Variants in FSD2 observed in about 807,000 individuals in gnomAD.
FSD2 encodes the protein fibronectin type III and SPRY domain containing 2.
A neutral mutation model predicts 80.4 loss-of-function variants in FSD2; 71 were observed. That is an observed-to-expected ratio of 0.88 (90% confidence interval 0.73 to 1.08). The LOEUF (loss-of-function observed/expected upper bound fraction) is 1.08. Among genes scored for constraint, FSD2 ranks in the 50% least tolerant of loss-of-function variants. FSD2 has a pLI of 0.00. For synonymous variants in FSD2, 361 were observed against 329.5 expected (o/e 1.10, Z -1.03); for missense variants, 923 against 913.8 (o/e 1.01, Z -0.13).
chr15:82,795,774 G>C (rs1260001847), intron 1 of FSD2, among the ~76,000 whole-genome samples: 3 of 151,836 alleles, frequency 2.0e-5, no homozygotes, highest in African/African-American at 4.8e-5. Context: ...GGAGGTTGTA[G>C]TGAGCTGAGA....
intron 3 of FSD2, among the ~76,000 whole-genome samples, chr15:82,784,697 G>T (rs1317057438): frequency 2.6e-5 from 4 of 152,134 alleles, no homozygotes; most frequent in Non-Finnish European, 5.9e-5. Context: ...GGCTGGAAAA[G>T]GTCTACCTTC....
At chr15:82,802,150 G>A (rs1186532323) in intron 1 of FSD2, among the ~76,000 whole-genome samples, 1 of 152,156 alleles carries the variant, frequency 6.6e-6, no homozygotes, top group African/African-American at 2.4e-5. Flanking sequence ...ACACAGGGCT[G>A]GAGAAGTGTG....
chr15:82,797,444 A>T (rs764390889), intron 1 of FSD2, among the ~76,000 whole-genome samples: 1 of 152,248 alleles, frequency 6.6e-6, no homozygotes, highest in Non-Finnish European at 1.5e-5. Flanking sequence ...TCATCAATGG[A>T]TACACAAATA....
At position 82,768,946 on chromosome 15, in the gene FSD2, T is replaced by C; in HGVS notation, c.1487A>G (p.Asn496Ser). The C allele has an allele frequency of 6.8e-6, 11 of 1,608,754 alleles. No individual in the cohort carries two copies. Among genetic ancestry groups the C allele is most frequent in the Non-Finnish European group, 7.6e-6 (9 of 1,177,666 alleles). Residue 496 changes from asparagine to serine, a missense_variant, in exon 9 of 13, where the codon AAT (asparagine) becomes AGT (serine). Coordinates refer to ENST00000334574, the MANE Select transcript of FSD2 (RefSeq NM_001007122.4). ...CTCCACAGTGTACGAGTCCACAGGA[T>C]TCAGGTTCCCAGACTCCCAGCAAAT... Reference protein sequence around the residue: ...VLICWESGNLNPVDSYTVELT... With the variant: ...VLICWESGNLSPVDSYTVELT...
chr15:82,784,730 C>T (rs926443474), intron 3 of FSD2, among the ~76,000 whole-genome samples: 1 of 152,072 alleles, frequency 6.6e-6, no homozygotes, highest in Non-Finnish European at 1.5e-5. Context: ...CCTGGGGCTT[C>T]GTTGATTCAT....
At chr15:82,794,810 C>T (rs922788253) in intron 1 of FSD2, among the ~76,000 whole-genome samples, 9 of 151,742 alleles carry the variant, frequency 5.9e-5, no homozygotes, top group East Asian at 5.8e-4. Flanking sequence ...CTGCAAGCTC[C>T]GCCTCCCAGG....
intron 6 of FSD2, among the ~76,000 whole-genome samples, chr15:82,774,267 G>T (rs1777778508): frequency 6.6e-6 from 1 of 151,982 alleles, no homozygotes; most frequent in Non-Finnish European, 1.5e-5. Context: ...GTAGAGATAG[G>T]GTCTTGCTAT....
In FSD2 at chr15:82,792,261, C is replaced by T. The variant is rs551275869; in HGVS notation, c.-78-4793G>A. On this transcript the variant is annotated intron_variant, in intron 1 of 12. Coordinates refer to ENST00000334574, the MANE Select transcript of FSD2 (RefSeq NM_001007122.4). ...GTGTAGGAAAGCTCTGATTTCTCCA[C>T]ATTCTTGTCAGCACTTGTTATTATC... 4.6e-5 allele frequency among the ~76,000 whole-genome samples: 7 copies of T among 152,326 alleles called. No individual in the cohort carries two copies. The East Asian group carries it at 1.3e-3, about 29-fold the overall frequency.
At position 82,762,163 on chromosome 15, in the gene FSD2, G is replaced by A. The variant is rs367635061; in HGVS notation, c.1936C>T (p.Gln646Ter). 7.4e-6 allele frequency: 12 copies of A among 1,612,806 alleles called. No homozygotes were observed. Among genetic ancestry groups the A allele is most frequent in the African/African-American group, 1.3e-5 (1 of 74,914 alleles). Reference sequence around the variant, plus strand: ...AGGCAATTTGCTCCCAGATCCTCCTGTTTACGGACATCTGCAAAGGCCACA... The same window carrying A: ...AGGCAATTTGCTCCCAGATCCTCCTATTTACGGACATCTGCAAAGGCCACA... The part of the protein sequence containing the change: ...VGVAFADVRK[Q>*]EDLGANCLSW... The change falls in exon 12 of 13, where the codon CAG becomes TAG. Residue 646 changes from glutamine (Q) to a stop codon, truncating the protein, a stop_gained. Transcript: ENST00000334574. LOFTEE classifies it high-confidence loss of function.
At chr15:82,780,492 A>T (rs1439313123) in intron 4 of FSD2, among the ~76,000 whole-genome samples, 2 of 151,364 alleles carry the variant, frequency 1.3e-5, no homozygotes, top group East Asian at 3.9e-4. Flanking sequence ...GCACCACCAC[A>T]CCCAGCTAAT....
In FSD2 at chr15:82,769,848, A is replaced by G. The variant is rs760175457; in HGVS notation, c.1304T>C (p.Val435Ala). Residue 435 changes from valine (V) to alanine (A), a missense_variant, in exon 8 of 13, where the codon GTG becomes GCG. Physicochemically the swap from Val to Ala is moderately conservative, Grantham distance 64 (BLOSUM62 0). Coordinates refer to ENST00000334574, the MANE Select transcript of FSD2 (RefSeq NM_001007122.4). ...TVTVKETYCS[V>A]TNLVPNTQYE... Reference sequence around the variant, plus strand: ...CTGGGTATTTGGCACAAGGTTTGTCACTGAGCAATATGTTTCTTTGACAGT... The same window carrying G: ...CTGGGTATTTGGCACAAGGTTTGTCGCTGAGCAATATGTTTCTTTGACAGT... The G allele has an allele frequency of 3.7e-6, 6 of 1,613,880 alleles. No homozygotes were observed. In the African/African-American group the frequency reaches 5.3e-5, roughly 14 times the overall value.
chr15:82,803,510 T>C (rs1027174167), intron 1 of FSD2, among the ~76,000 whole-genome samples: 1 of 152,066 alleles, frequency 6.6e-6, no homozygotes, highest in Admixed American at 6.6e-5. Flanking sequence ...GTCTTCCATG[T>C]GAGACTCACC....
At chr15:82,790,388 C>T (rs553128792) in intron 1 of FSD2, among the ~76,000 whole-genome samples, 32 of 152,314 alleles carry the variant, frequency 2.1e-4, no homozygotes, top group African/African-American at 7.5e-4. Context: ...GGCAGCTCTT[C>T]CAGCCTTTCC....
intron 6 of FSD2, among the ~76,000 whole-genome samples, chr15:82,776,555 A>G (rs1203556636): frequency 6.6e-6 from 1 of 152,222 alleles, no homozygotes; most frequent in Non-Finnish European, 1.5e-5. Flanking sequence ...GTATACTGAA[A>G]ACTATAAAAC....
intron 3 of FSD2, 81 bp downstream of exon 3, chr15:82,786,430 G>C: frequency 1.9e-6 from 2 of 1,049,186 alleles, no homozygotes; most frequent in Non-Finnish European, 2.9e-6. Flanking sequence ...AGATTCTCTA[G>C]CTCATACCAG....
intron 3 of FSD2, among the ~76,000 whole-genome samples, chr15:82,783,799 A>G (rs1030751345): frequency 6.6e-6 from 1 of 152,192 alleles, no homozygotes; most frequent in Non-Finnish European, 1.5e-5. Context: ...TAAATCAACT[A>G]GGATCATATC....
At chr15:82,788,124 CACAG>C (rs2050048850) in intron 1 of FSD2, among the ~76,000 whole-genome samples, 1 of 151,918 alleles carries the variant, frequency 6.6e-6, no homozygotes, top group Admixed American at 6.6e-5. Flanking sequence ...GATGAATGTG[CACAG>C]ACAATTCACA....
At chr15:82,782,409 A>C (rs983804252) in intron 4 of FSD2, among the ~76,000 whole-genome samples, 2 of 152,180 alleles carry the variant, frequency 1.3e-5, no homozygotes, top group African/African-American at 4.8e-5. Flanking sequence ...CAAAAAAACC[A>C]AACCAAAACA....
chr15:82,804,827 C>T (rs1272926973), intron 1 of FSD2, among the ~76,000 whole-genome samples: 1 of 152,192 alleles, frequency 6.6e-6, no homozygotes, highest in Admixed American at 6.5e-5. Flanking sequence ...CACAAACTGG[C>T]TCAGTGTCAA....
Sources: gnomAD v4.1 joint callset for allele counts (sites outside exome capture counted in the v4.1 genomes callset) on GRCh38, gnomAD v4.1.1 for gene constraint, MANE v1.5 for transcripts, NCBI Gene and HGNC (gene_info 2026-07-23, HGNC 2026-07-21) for gene names.